Variants in DPH6 observed in about 807,000 individuals in gnomAD.
DPH6 encodes diphthamine biosynthesis 6.
In DPH6, 33 loss-of-function variants were observed where a neutral mutation model predicts 38.2. The observed-to-expected ratio is 0.86, with a 90% CI of 0.65 to 1.15. The LOEUF is 1.15. Among genes scored for constraint, DPH6 ranks in the 50% most tolerant of loss-of-function variants. The pLI, the probability that DPH6 is intolerant of heterozygous loss-of-function variation, is 0.00. For missense variants in DPH6, 325 were observed against 320.0 expected, an observed-to-expected ratio of 1.02 and a Z score of -0.12; for synonymous variants, 108 against 103.0, an observed-to-expected ratio of 1.05 and a Z score of -0.30.
chr15:35,319,141 G>T (rs1379295581), intron 3 of DPH6, among the ~76,000 whole-genome samples: 1 of 152,008 alleles, frequency 6.6e-6, no homozygotes, highest in Non-Finnish European at 1.5e-5. Flanking sequence ...CAATCTTCAG[G>T]TCACTCTGGT....
intron 3 of DPH6, among the ~76,000 whole-genome samples, chr15:35,226,895 T>C (rs2051485439): frequency 6.6e-6 from 1 of 152,166 alleles, no homozygotes; most frequent in Admixed American, 6.5e-5. Flanking sequence ...TTAAGTAGGA[T>C]TGGTATCAGC....
At chr15:35,325,710 A>G (rs1399287679) in intron 3 of DPH6, among the ~76,000 whole-genome samples, 1 of 152,154 alleles carries the variant, frequency 6.6e-6, no homozygotes, top group East Asian at 1.9e-4. Flanking sequence ...AACACTAACC[A>G]TAAGGGAAAA....
At chr15:35,181,074 G>C in the DPH6 span, among the ~76,000 whole-genome samples, 1 of 152,038 alleles carries the variant, frequency 6.6e-6, no homozygotes, top group Non-Finnish European at 1.5e-5. Flanking sequence ...TTAAAATATG[G>C]TTCCACCACC....
intron 3 of DPH6, chr15:35,521,465 T>A (rs1342123284): frequency 1.7e-6 from 2 of 1,191,524 alleles, no homozygotes; most frequent in Non-Finnish European, 2.1e-6. Context: ...TGCTTTTCAT[T>A]GATCTAACAA....
the DPH6 span, among the ~76,000 whole-genome samples, chr15:35,187,806 A>G: frequency 6.6e-6 from 1 of 152,076 alleles, no homozygotes. Context: ...GCCAACATAG[A>G]GAGACCCTGT....
downstream of DPH6, among the ~76,000 whole-genome samples, chr15:35,327,263 AAAATCGACTTTCTG>A (rs2052290107): frequency 6.6e-6 from 1 of 152,092 alleles, no homozygotes; most frequent in Non-Finnish European, 1.5e-5. Context: ...AATGCTTCCT[AAAATCGACTTTCTG>A]AAATCAAATA....
chr15:35,313,868 C>T (rs2052165105), intron 3 of DPH6, among the ~76,000 whole-genome samples: 1 of 152,012 alleles, frequency 6.6e-6, no homozygotes, highest in African/African-American at 2.4e-5. Context: ...AGAATGACTC[C>T]AGGGCATTTG....
chr15:35,386,940 G>A (rs2052969241), intron 6 of DPH6, among the ~76,000 whole-genome samples: 2 of 152,176 alleles, frequency 1.3e-5, no homozygotes, highest in Non-Finnish European at 2.9e-5. Flanking sequence ...GAATGGTAAT[G>A]CCTAGGTTTT....
At chr15:35,425,883 GC>G (rs1216974379) in intron 5 of DPH6, among the ~76,000 whole-genome samples, 2 of 149,810 alleles carry the variant, frequency 1.3e-5, no homozygotes, top group African/African-American at 4.9e-5. Context: ...AAAGTTATAT[GC>G]CTAAGTTACT....
chr15:35,449,452 G>A (rs113933336), intron 5 of DPH6, among the ~76,000 whole-genome samples: 30 of 152,156 alleles, frequency 2.0e-4, no homozygotes, highest in African/African-American at 5.5e-4. Context: ...GTCTCTCTGG[G>A]TCCTAATCCA....
chr15:35,251,061 G>A (rs1566850441), intron 3 of DPH6, among the ~76,000 whole-genome samples: 1 of 152,252 alleles, frequency 6.6e-6, no homozygotes, highest in East Asian at 1.9e-4. Context: ...GTAGACACAT[G>A]GATCAGTTTC....
At chr15:35,271,146 C>T (rs1332984330) in intron 3 of DPH6, among the ~76,000 whole-genome samples, 1 of 152,198 alleles carries the variant, frequency 6.6e-6, no homozygotes, top group Non-Finnish European at 1.5e-5. Context: ...ACTTCTTTCA[C>T]AGTGTGTAAC....
chr15:35,270,412 A>C (rs921504004), intron 3 of DPH6, among the ~76,000 whole-genome samples: 1 of 152,192 alleles, frequency 6.6e-6, no homozygotes, highest in Non-Finnish European at 1.5e-5. Flanking sequence ...TTTGATGGTA[A>C]ATAGAACCAT....
intron 3 of DPH6, among the ~76,000 whole-genome samples, chr15:35,247,764 G>A (rs1163674626): frequency 6.6e-6 from 1 of 152,032 alleles, no homozygotes; most frequent in Non-Finnish European, 1.5e-5. Flanking sequence ...CTTTCAACTA[G>A]TTTCATTGTG....
At chr15:35,472,125 A>G (rs1186177157) in intron 3 of DPH6, among the ~76,000 whole-genome samples, 3 of 152,200 alleles carry the variant, frequency 2.0e-5, no homozygotes, top group Non-Finnish European at 4.4e-5. Context: ...ATAAAGTTGA[A>G]CTTTATAAGA....
chr15:35,225,993 T>C (rs62004389), intron 3 of DPH6, among the ~76,000 whole-genome samples: 25,993 of 152,180 alleles, frequency 0.17, 2,446 homozygotes, highest in South Asian at 0.29. Context: ...GTGCCTATAG[T>C]AGCAGCTACT....
At chr15:35,214,756 A>G (rs895182868), downstream of DPH6, among the ~76,000 whole-genome samples, 8 of 152,070 alleles carry the variant, frequency 5.3e-5, no homozygotes, top group African/African-American at 1.9e-4. Flanking sequence ...TACAGGCATC[A>G]CCACCACATC....
chr15:35,529,526 C>A (rs892039923), intron 3 of DPH6, among the ~76,000 whole-genome samples: 1 of 152,076 alleles, frequency 6.6e-6, no homozygotes, highest in East Asian at 1.9e-4. Context: ...TTGCCCATAA[C>A]GCCCTTCTGA....
intron 5 of DPH6, among the ~76,000 whole-genome samples, chr15:35,417,614 TAAGCAC>T (rs916489401): frequency 7.2e-5 from 11 of 152,094 alleles, no homozygotes; most frequent in Non-Finnish European, 1.2e-4. Flanking sequence ...CTTACGTTTC[TAAGCAC>T]AACTGAAGAA....
Sources: gnomAD v4.1 joint callset for allele counts (sites outside exome capture counted in the v4.1 genomes callset) on GRCh38, gnomAD v4.1.1 for gene constraint, MANE v1.5 for transcripts, NCBI Gene and HGNC (gene_info 2026-07-23, HGNC 2026-07-21) for gene names.